PAXIP1: variants seen among roughly 807,000 people sequenced by gnomAD.
The protein encoded by PAXIP1 is PAX-interacting protein 1.
PAXIP1 carries 19 observed loss-of-function variants against 140.6 expected under a neutral mutation model. That is an observed-to-expected ratio of 0.14 (90% CI 0.09 to 0.20). PAXIP1 has a LOEUF of 0.20. Ranked by LOEUF, PAXIP1 falls within the 10% of genes least tolerant of loss-of-function variation. The pLI is 1.00. For synonymous variants in PAXIP1, 442 were observed against 444.6 expected, an observed-to-expected ratio of 0.99 and a Z score of 0.07; for missense variants, 920 against 1,208.6, an observed-to-expected ratio of 0.76 and a Z score of 3.54.
chr7:154,985,953 T>C (rs1810050922), intron 4 of PAXIP1: 6 of 1,261,840 alleles, frequency 4.8e-6, no homozygotes, highest in African/African-American at 1.5e-5. Context: ...TTTAGTCTTC[T>C]AGATTCAAAT....
chr7:154,972,383 GGAGGCT>G, intron 6 of PAXIP1, among the ~76,000 whole-genome samples: 1 of 152,234 alleles, frequency 6.6e-6, no homozygotes, highest in Non-Finnish European at 1.5e-5. Context: ...CAGCTACTCA[GGAGGCT>G]GAGGCAAGAG....
At chr7:154,995,846 A>G (rs1387302401) in intron 2 of PAXIP1, among the ~76,000 whole-genome samples, 1 of 152,242 alleles carries the variant, frequency 6.6e-6, no homozygotes, top group Non-Finnish European at 1.5e-5. Flanking sequence ...CTGAAAAAAA[A>G]TTAAATAAAA....
rs748175381 is a variant in PAXIP1 at position 154,993,714 on chromosome 7, A to G, written c.260+12T>C. The stretch of plus-strand genomic sequence containing the variant: ...ACCCTTTCCCTCCTCCCCCACTCAA[A>G]AAAAAGGATACGGCAGAAGAGTTCC... On this transcript the variant is annotated intron_variant, in intron 3 of 20. Coordinates refer to ENST00000404141, the MANE Select transcript of PAXIP1 (RefSeq NM_007349.4). 4 of 1,587,692 alleles carry G rather than the reference A, an allele frequency of 2.5e-6. No homozygotes were observed. Among genetic ancestry groups the G allele is most frequent in the Admixed American group, 3.5e-5 (2 of 56,746 alleles).
chr7:154,990,624 ATTTG>A (rs1481792377), intron 4 of PAXIP1, among the ~76,000 whole-genome samples: 1 of 152,138 alleles, frequency 6.6e-6, no homozygotes, highest in Non-Finnish European at 1.5e-5. Context: ...TAGATTCTAA[ATTTG>A]TTTCTCTGCC....
chr7:154,949,557 C>A (rs916308459), intron 16 of PAXIP1: 3 of 152,194 alleles, frequency 2.0e-5, no homozygotes, highest in African/African-American at 7.2e-5. Context: ...AGCTGATATG[C>A]CTTCTGAAGA....
chr7:154,959,720 C>T (rs1442880360), intron 13 of PAXIP1, among the ~76,000 whole-genome samples, 170 bp downstream of exon 13: 1 of 152,180 alleles, frequency 6.6e-6, no homozygotes, highest in Non-Finnish European at 1.5e-5. Flanking sequence ...TCTTAAAGTT[C>T]TTGCCTTTCT....
chr7:154,971,996 C>T (rs926427109), intron 6 of PAXIP1, among the ~76,000 whole-genome samples: 1 of 152,174 alleles, frequency 6.6e-6, no homozygotes, highest in African/African-American at 2.4e-5. Flanking sequence ...ATGGATGGAG[C>T]CTTCTCAGTT....
intron 6 of PAXIP1, among the ~76,000 whole-genome samples, chr7:154,971,981 T>C (rs949209723): frequency 6.6e-6 from 1 of 152,224 alleles, no homozygotes; most frequent in South Asian, 2.1e-4. Flanking sequence ...ATTCACTCAC[T>C]AGAAATGGAT....
Position 154,954,399 on chromosome 7 carries a change from C to G in PAXIP1, c.2677G>C (p.Val893Leu). The change falls in exon 16 of 21, where the codon GTT becomes CTT. Residue 893 changes from valine to leucine, a missense_variant. Physicochemically the swap from Val to Leu is conservative, Grantham distance 32. This residue lies in a region of PAXIP1 where 303 missense variants were observed against 517.9 expected (regional missense o/e 0.59). Coordinates refer to ENST00000404141, the MANE Select transcript of PAXIP1 (RefSeq NM_007349.4). The surrounding 1 kb of genome is among the most constrained non-coding windows in gnomAD (Gnocchi z 5.1). Reference sequence around the variant, plus strand: ...GTGCACTTCTGTGCAGACTCCGCAACCTCTCCACCAAGAATGTAGAGCTTC... The same window carrying G: ...GTGCACTTCTGTGCAGACTCCGCAAGCTCTCCACCAAGAATGTAGAGCTTC... The part of the protein sequence containing the change: ...IKKLYILGGE[V>L]AESAQKCTHL... 1 of 1,564,740 alleles carries G rather than the reference C, an allele frequency of 6.4e-7. No homozygotes were observed.
At chr7:155,003,263 C>T (rs572392442), upstream of PAXIP1, among the ~76,000 whole-genome samples, 17 of 151,740 alleles carry the variant, frequency 1.1e-4, no homozygotes, top group African/African-American at 2.4e-4. Flanking sequence ...GCGCCGGCAG[C>T]CCGCTCTGGC....
Position 154,967,925 on chromosome 7 carries a change from CA to C in PAXIP1, c.1799-16del. ...TTCTTCTGGAACTAGAGTAAAATTACATAAGAAAAAGAAAATTAAAACCCTA... is the reference window on the plus strand; with the variant it reads ...TTCTTCTGGAACTAGAGTAAAATTACTAAGAAAAAGAAAATTAAAACCCTA... On this transcript the variant is annotated splice_polypyrimidine_tract_variant and intron_variant, in intron 7 of 20. Coordinates refer to ENST00000404141, the MANE Select transcript of PAXIP1 (RefSeq NM_007349.4). The C allele has an allele frequency of 6.3e-7, 1 of 1,576,034 alleles. No homozygotes were observed. The highest frequency in any genetic ancestry group is 1.4e-5 in the African/African-American group (1 of 73,634).
chr7:154,996,436 G>A (rs1810615491), intron 2 of PAXIP1, among the ~76,000 whole-genome samples: 1 of 152,184 alleles, frequency 6.6e-6, no homozygotes, highest in Non-Finnish European at 1.5e-5. Context: ...GCAAAATGGT[G>A]ATAATCCTAG....
In PAXIP1 at chr7:154,947,541, T is replaced by C. The variant is rs118149347; in HGVS notation, c.2922+362A>G. 2.7e-3 allele frequency: 557 copies of C among 203,058 alleles called. 9 individuals are homozygous for C. Among genetic ancestry groups the C allele is most frequent in the East Asian group, 0.023 (197 of 8,664 alleles). 12.6% of individuals were successfully genotyped at this position (203,058 alleles called of 1,614,324 possible). A position where few individuals can be genotyped will look rare whatever the true frequency, so the allele number is the denominator to read the frequency against. ...CAGCTGAATATACATTTACTGACAA[T>C]AGTACGAAGTAAGCGATGTCCTCTA... On this transcript the variant is annotated intron_variant, in intron 17 of 20. Transcript: ENST00000404141.
At chr7:154,975,548 ACACACAC>A in intron 6 of PAXIP1, 141 bp downstream of exon 6, 1 of 611,266 alleles carries the variant, frequency 1.6e-6, no homozygotes. Context: ...ACACACACAC[ACACACAC>A]AAGTAAACAG....
chr7:154,996,500 T>G (rs932154814), intron 2 of PAXIP1, among the ~76,000 whole-genome samples: 4 of 152,242 alleles, frequency 2.6e-5, no homozygotes, highest in African/African-American at 7.2e-5. Flanking sequence ...CCTTACATAC[T>G]GACTTTCCCA....
intron 4 of PAXIP1, among the ~76,000 whole-genome samples, chr7:154,984,022 C>G (rs1809957834): frequency 2.0e-5 from 3 of 152,184 alleles, no homozygotes. Flanking sequence ...GGAACTGTGC[C>G]AAGTGCTTTA....
In PAXIP1 at chr7:154,954,600, A is replaced by G. The variant is rs1808427274; in HGVS notation, c.2653-177T>C. 6.6e-6 allele frequency among the ~76,000 whole-genome samples: 1 copy of G among 152,252 alleles called. No individual in the cohort carries two copies. The highest frequency in any genetic ancestry group is 6.5e-5 in the Admixed American group (1 of 15,290). ...CCTGTAACTACAAGAGAAAAATAAAAAAGAGAATTTATCATTTACATTTCT... is the reference window on the plus strand; with the variant it reads ...CCTGTAACTACAAGAGAAAAATAAAGAAGAGAATTTATCATTTACATTTCT... On this transcript the variant is annotated intron_variant, in intron 15 of 20. Transcript: ENST00000404141. This position sits in a 1 kb window ranked among gnomAD's most constrained non-coding sequence, Gnocchi z 5.1.
chr7:154,996,369 T>C (rs1293877581), intron 2 of PAXIP1, among the ~76,000 whole-genome samples: 2 of 152,210 alleles, frequency 1.3e-5, no homozygotes, highest in Non-Finnish European at 2.9e-5. Context: ...TCACTCATTT[T>C]AAAATACTAT....
intron 5 of PAXIP1, 141 bp from the exon 6 acceptor site, chr7:154,976,472 A>G: frequency 8.3e-7 from 1 of 1,200,884 alleles, no homozygotes; most frequent in Non-Finnish European, 1.1e-6. Flanking sequence ...ATACAGAAGC[A>G]ACGTTTGATC....
Sources: gnomAD v4.1 joint callset for allele counts (sites outside exome capture counted in the v4.1 genomes callset) on GRCh38, gnomAD v4.1.1 for gene constraint, gnomAD v4.1.1 regional missense constraint, Gnocchi (gnomAD v3.1) non-coding constraint, MANE v1.5 for transcripts, NCBI Gene and HGNC (gene_info 2026-07-23, HGNC 2026-07-21) for gene names.